The following NPAS3 variants were observed in gnomAD, a reference collection of about 807,000 sequenced individuals.
NPAS3 encodes neuronal PAS domain-containing protein 3.
Under a neutral mutation model 73.1 loss-of-function variants are expected in NPAS3, and 14 were observed. The observed-to-expected ratio is 0.19, with a 90% confidence interval of 0.13 to 0.30. The LOEUF (loss-of-function observed/expected upper bound fraction) is 0.30, where lower values mean the gene tolerates loss of function less well. NPAS3 is among the 10% of genes least tolerant of loss of function. The pLI is 1.00. For synonymous variants in NPAS3, 620 were observed against 541.5 expected, an observed-to-expected ratio of 1.14 and a Z score of -2.01; for missense variants, 1,096 against 1,250.0, an observed-to-expected ratio of 0.88 and a Z score of 1.86.
At chr14:33,643,672 C>T (rs765067719) in intron 5 of NPAS3, among the ~76,000 whole-genome samples, 7 of 152,272 alleles carry the variant, frequency 4.6e-5, no homozygotes, top group Non-Finnish European at 7.3e-5. Flanking sequence ...TATTCAGCTA[C>T]TTTGCCACAG....
In NPAS3 at chr14:33,223,661, A is replaced by T. The variant is rs376293725; in HGVS notation, c.385+8235A>T. Among the ~76,000 whole-genome samples, 6 of 152,280 alleles carry T rather than the reference A, an allele frequency of 3.9e-5. No individual in the cohort carries two copies. The East Asian group carries it at 1.2e-3, about 29-fold the overall frequency. On this transcript the variant is annotated intron_variant, in intron 3 of 11. Coordinates refer to ENST00000356141, the Ensembl canonical transcript of NPAS3. ...ATTGTCCTAAATTAGACTATTTGAGACTAATAGTCTTCCTTGGACTATATG... is the reference window on the plus strand; with the variant it reads ...ATTGTCCTAAATTAGACTATTTGAGTCTAATAGTCTTCCTTGGACTATATG...
chr14:33,442,945 A>T (rs2049320177), intron 4 of NPAS3, among the ~76,000 whole-genome samples: 1 of 152,202 alleles, frequency 6.6e-6, no homozygotes, highest in Admixed American at 6.5e-5. Flanking sequence ...TGATAATTTG[A>T]TAATTTACCC....
chr14:33,442,058 T>A (rs534815628), intron 4 of NPAS3, among the ~76,000 whole-genome samples: 40 of 152,344 alleles, frequency 2.6e-4, no homozygotes, highest in African/African-American at 9.1e-4. Context: ...ATTCCTCGTA[T>A]GACATAGTTT....
Position 33,509,758 on chromosome 14 carries a change from A to G in NPAS3, c.469-50363A>G, listed in dbSNP as rs369422032. On this transcript the variant is annotated intron_variant, in intron 4 of 11. Transcript: ENST00000356141. ...TAATGTCGGGAAACCTGCCTTAACC[A>G]TGAAATTAGGGCATGACTTCTGAAA... 3.9e-5 allele frequency among the ~76,000 whole-genome samples: 6 copies of G among 152,156 alleles called. 1 individual carries two copies. The East Asian group carries it at 7.8e-4, about 20-fold the overall frequency.
intron 4 of NPAS3, among the ~76,000 whole-genome samples, chr14:33,496,635 C>T (rs565538862): frequency 8.5e-5 from 13 of 152,078 alleles, no homozygotes; most frequent in South Asian, 6.2e-4. Flanking sequence ...AAAAGGCCTT[C>T]GATAAAATTC....
chr14:33,521,237 G>A (rs1454733094), intron 4 of NPAS3, among the ~76,000 whole-genome samples: 1 of 152,108 alleles, frequency 6.6e-6, no homozygotes, highest in African/African-American at 2.4e-5. Flanking sequence ...AGAAGACAAA[G>A]AATTTCTAGA....
At chr14:33,677,137 G>C (rs896975342) in intron 6 of NPAS3, among the ~76,000 whole-genome samples, 5 of 152,206 alleles carry the variant, frequency 3.3e-5, no homozygotes, top group Admixed American at 6.5e-5. Context: ...CAAACACGGG[G>C]AAGATTGGCT....
chr14:33,373,639 G>T (rs2046193175), intron 4 of NPAS3, among the ~76,000 whole-genome samples: 1 of 152,126 alleles, frequency 6.6e-6, no homozygotes. Context: ...TGTAAGAAAT[G>T]CTGTAAATTA....
At chr14:33,325,514 TG>T (rs2043659432) in intron 3 of NPAS3, among the ~76,000 whole-genome samples, 1 of 151,682 alleles carries the variant, frequency 6.6e-6, no homozygotes, top group South Asian at 2.1e-4. Flanking sequence ...GTTGTGGTGG[TG>T]GGTGCTTGTA....
chr14:33,375,115 G>A (rs552896606), intron 4 of NPAS3, among the ~76,000 whole-genome samples: 4 of 152,210 alleles, frequency 2.6e-5, no homozygotes, highest in Non-Finnish European at 4.4e-5. Flanking sequence ...CAGTGCTAAC[G>A]TAAAATAAGG....
In NPAS3 at chr14:33,220,818, T is replaced by C. The variant is rs541134127; in HGVS notation, c.385+5392T>C. ...TGCCACTGTTCAAGAGTTTGGCTTG[T>C]CACTATTGTTTTCAGTGCATCTGGT... On this transcript the variant is annotated intron_variant, in intron 3 of 11. Transcript: ENST00000356141. Among the ~76,000 whole-genome samples, 7 of 152,332 alleles carry C rather than the reference T, an allele frequency of 4.6e-5. No individual in the cohort carries two copies. In the East Asian group the frequency reaches 9.6e-4, roughly 21 times the overall value.
At chr14:33,602,512 G>A (rs2057430531) in intron 5 of NPAS3, among the ~76,000 whole-genome samples, 1 of 152,182 alleles carries the variant, frequency 6.6e-6, no homozygotes, top group Non-Finnish European at 1.5e-5. Context: ...CCCTCATGGT[G>A]GGTGGGTCTC....
chr14:33,593,749 G>C (rs1045781694), intron 5 of NPAS3, among the ~76,000 whole-genome samples: 1 of 152,168 alleles, frequency 6.6e-6, no homozygotes, highest in African/African-American at 2.4e-5. Context: ...CAAATTATTA[G>C]GAGTCCTTAC....
chr14:33,597,210 C>T (rs2057268943), intron 5 of NPAS3, among the ~76,000 whole-genome samples: 1 of 152,156 alleles, frequency 6.6e-6, no homozygotes, highest in South Asian at 2.1e-4. Flanking sequence ...TTCTCTTTTG[C>T]ACTTTATCAG....
At chr14:33,361,045 G>A (rs539120090) in intron 3 of NPAS3, among the ~76,000 whole-genome samples, 15 of 152,278 alleles carry the variant, frequency 9.9e-5, no homozygotes, top group South Asian at 4.2e-4. Context: ...TATGTAGCCC[G>A]TGTGAGGGAC....
At chr14:32,938,483 A>AG (rs2035782455), upstream of NPAS3, among the ~76,000 whole-genome samples, 6 of 19,470 alleles carry the variant, frequency 3.1e-4, no homozygotes, top group African/African-American at 7.0e-4. Flanking sequence ...GAGAGAGAGA[A>AG]ATTGAGAGAG....
At chr14:33,617,999 T>A (rs1432490558) in intron 5 of NPAS3, among the ~76,000 whole-genome samples, 1 of 152,182 alleles carries the variant, frequency 6.6e-6, no homozygotes, top group East Asian at 1.9e-4. Context: ...CGGAAGTGCA[T>A]GAGACACAGC....
chr14:33,557,285 A>G (rs554665154), intron 4 of NPAS3, among the ~76,000 whole-genome samples: 17 of 152,284 alleles, frequency 1.1e-4, no homozygotes, highest in African/African-American at 4.1e-4. Context: ...TTTATTCCCA[A>G]AAGCTGGTTC....
intron 3 of NPAS3, among the ~76,000 whole-genome samples, chr14:33,365,464 C>T (rs1289957781): frequency 1.3e-5 from 2 of 152,054 alleles, no homozygotes; most frequent in African/African-American, 2.4e-5. Context: ...AACCCTATGT[C>T]TATATTTATA....
Sources: gnomAD v4.1 joint callset for allele counts (sites outside exome capture counted in the v4.1 genomes callset) on GRCh38, gnomAD v4.1.1 for gene constraint, MANE v1.5 for transcripts, NCBI Gene and HGNC (gene_info 2026-07-23, HGNC 2026-07-21) for gene names.